Variants in GMDS observed in about 807,000 individuals in gnomAD.
The protein encoded by GMDS is GDP-mannose 4,6-dehydratase, also known as GDP-mannose 4,6 dehydratase.
Under a neutral mutation model 49.9 loss-of-function variants are expected in GMDS, and 20 were observed. The ratio of observed to expected loss-of-function variants is 0.40; its 90% CI spans 0.28 to 0.58. GMDS has a LOEUF of 0.58. Ranked by LOEUF, GMDS falls within the 20% of genes least tolerant of loss-of-function variation. GMDS has a pLI of 0.42. For synonymous variants in GMDS, 177 were observed against 178.6 expected, an observed-to-expected ratio of 0.99 and a Z score of 0.07; for missense variants, 362 against 481.4, an observed-to-expected ratio of 0.75 and a Z score of 2.32.
intron 7 of GMDS, among the ~76,000 whole-genome samples, chr6:1,822,979 G>A (rs1174390533): frequency 6.6e-6 from 1 of 152,090 alleles, no homozygotes; most frequent in Non-Finnish European, 1.5e-5. Context: ...TTACAGTATG[G>A]TGAAAATACT....
chr6:1,686,556 TG>T (rs1764981995), intron 9 of GMDS, among the ~76,000 whole-genome samples: 1 of 152,252 alleles, frequency 6.6e-6, no homozygotes, highest in Non-Finnish European at 1.5e-5. Context: ...TATTTGTCTT[TG>T]TATAACCATT....
Position 2,080,299 on chromosome 6 carries a change from G to T in GMDS, c.345+35472C>A, listed in dbSNP as rs115879897. ...TCACAATCAAGAATGTGAATTATTTGTTCAGGATTTCGTGAATTTCTTTTT... is the reference window on the plus strand; with the variant it reads ...TCACAATCAAGAATGTGAATTATTTTTTCAGGATTTCGTGAATTTCTTTTT... On this transcript the variant is annotated intron_variant, in intron 4 of 10. Transcript: ENST00000380815. Among the ~76,000 whole-genome samples, 736 of 152,172 alleles carry T rather than the reference G, an allele frequency of 4.8e-3. 4 individuals are homozygous for T. The highest frequency in any genetic ancestry group is 0.016 in the African/African-American group (684 of 41,500).
At chr6:1,789,638 C>T (rs1416476256) in intron 7 of GMDS, among the ~76,000 whole-genome samples, 2 of 151,378 alleles carry the variant, frequency 1.3e-5, no homozygotes, top group Non-Finnish European at 2.9e-5. Context: ...CAGGCTCAAG[C>T]AATCCTCCCA....
intron 1 of GMDS, among the ~76,000 whole-genome samples, chr6:2,195,085 G>A (rs1779221468): frequency 6.6e-6 from 1 of 152,156 alleles, no homozygotes; most frequent in Non-Finnish European, 1.5e-5. Flanking sequence ...AAGTTAGCAA[G>A]GGTAAAATCA....
chr6:1,827,071 A>AT, intron 7 of GMDS, among the ~76,000 whole-genome samples: 1 of 97,084 alleles, frequency 1.0e-5, no homozygotes, highest in South Asian at 3.9e-4. Flanking sequence ...CTCTTAAAAA[A>AT]ATATATATGT....
At chr6:2,202,563 G>A (rs1779599476) in intron 1 of GMDS, among the ~76,000 whole-genome samples, 1 of 152,042 alleles carries the variant, frequency 6.6e-6, no homozygotes, top group Non-Finnish European at 1.5e-5. Flanking sequence ...GAGGGGACAG[G>A]CTGATGGAAG....
chr6:2,119,074 T>A (rs1581675717), intron 2 of GMDS, among the ~76,000 whole-genome samples: 1 of 152,112 alleles, frequency 6.6e-6, no homozygotes, highest in Non-Finnish European at 1.5e-5. Flanking sequence ...TCTGTTTTAT[T>A]AAATAAAAAA....
At chr6:1,744,184 T>C (rs1037827176) in intron 7 of GMDS, among the ~76,000 whole-genome samples, 1 of 152,198 alleles carries the variant, frequency 6.6e-6, no homozygotes, top group Non-Finnish European at 1.5e-5. Context: ...TTCCTGTGTA[T>C]GTTTTTGTAT....
intron 1 of GMDS, among the ~76,000 whole-genome samples, chr6:2,164,593 G>A (rs899794541): frequency 6.6e-6 from 1 of 152,172 alleles, no homozygotes; most frequent in Non-Finnish European, 1.5e-5. Context: ...GATATCCCCA[G>A]CTTCATCAGG....
chr6:2,005,173 T>G (rs1767079697), intron 4 of GMDS, among the ~76,000 whole-genome samples: 2 of 152,198 alleles, frequency 1.3e-5, no homozygotes, highest in Non-Finnish European at 2.9e-5. Context: ...TGAGTTTTAA[T>G]AAGGCTTGTG....
chr6:1,687,573 AGGCACCGT>A (rs1765020882), intron 9 of GMDS, among the ~76,000 whole-genome samples: 1 of 151,530 alleles, frequency 6.6e-6, no homozygotes, highest in Admixed American at 6.6e-5. Flanking sequence ...CCTGTGTTCC[AGGCACCGT>A]CCTTGACACT....
chr6:1,624,716 C>T (rs1762792619), intron 9 of GMDS, 176 bp from the exon 10 acceptor site: 1 of 592,506 alleles, frequency 1.7e-6, no homozygotes, highest in East Asian at 2.9e-5. Context: ...CCGTAAATCA[C>T]TAGGTCGCGG....
chr6:2,231,240 T>C (rs907024166), intron 1 of GMDS, among the ~76,000 whole-genome samples: 1 of 152,040 alleles, frequency 6.6e-6, no homozygotes, highest in African/African-American at 2.4e-5. Context: ...TAAGTTCTGC[T>C]AGTATATTCT....
At chr6:2,096,488 A>T (rs1412359755) in intron 4 of GMDS, among the ~76,000 whole-genome samples, 1 of 152,200 alleles carries the variant, frequency 6.6e-6, no homozygotes, top group East Asian at 1.9e-4. Flanking sequence ...TTCAGAAATA[A>T]GACACTTTAT....
At chr6:2,061,695 G>T (rs1256568482) in intron 4 of GMDS, among the ~76,000 whole-genome samples, 1 of 138,170 alleles carries the variant, frequency 7.2e-6, no homozygotes. Flanking sequence ...CTCCAGCCTG[G>T]GTGACAGTGC....
intron 7 of GMDS, among the ~76,000 whole-genome samples, chr6:1,767,048 A>G (rs1275537611): frequency 6.6e-6 from 1 of 152,336 alleles, no homozygotes; most frequent in East Asian, 1.9e-4. Flanking sequence ...AAATGAACAA[A>G]CTATAAAATG....
At chr6:1,662,285 T>C (rs987962962) in intron 9 of GMDS, among the ~76,000 whole-genome samples, 2 of 152,048 alleles carry the variant, frequency 1.3e-5, no homozygotes, top group Non-Finnish European at 1.5e-5. Context: ...ATCGAGTCCA[T>C]GTGTGGATGA....
chr6:2,037,458 A>AG (rs1364061888), intron 4 of GMDS, among the ~76,000 whole-genome samples: 1 of 152,286 alleles, frequency 6.6e-6, no homozygotes, highest in Non-Finnish European at 1.5e-5. Flanking sequence ...AGGACAGAGA[A>AG]GCAGCATCTG....
chr6:2,180,058 C>G (rs1778450933), intron 1 of GMDS, among the ~76,000 whole-genome samples: 1 of 152,198 alleles, frequency 6.6e-6, no homozygotes, highest in Admixed American at 6.5e-5. Context: ...AGCAGTTCCT[C>G]TGGATCTGTG....
Sources: allele counts gnomAD v4.1 joint callset (sites outside exome capture counted in the v4.1 genomes callset), GRCh38; gene constraint gnomAD v4.1.1; transcripts MANE v1.5; gene names NCBI Gene and HGNC (gene_info 2026-07-23, HGNC 2026-07-21).